EIF3I: variants seen among roughly 807,000 people sequenced by gnomAD.
EIF3I encodes TGF-beta receptor-interacting protein 1.
EIF3I carries 20 observed loss-of-function variants against 43.3 expected under a neutral mutation model. The ratio of observed to expected loss-of-function variants is 0.46; its 90% CI spans 0.32 to 0.67. The LOEUF is 0.67. EIF3I is among the 30% of genes least tolerant of loss of function. EIF3I has a pLI of 0.03. For synonymous variants in EIF3I, 167 were observed against 151.7 expected (o/e 1.10, Z -0.74); for missense variants, 279 against 421.4 (o/e 0.66, Z 2.96).
chr1:32,230,937 T>G (rs1487493991), exon 11 of EIF3I: 5 of 1,593,076 alleles, frequency 3.1e-6, no homozygotes, highest in Non-Finnish European at 4.3e-6. Context: ...GTTCTTCCAT[T>G]TGGCCTTTGA....
chr1:32,235,587 G>GGGATTA (rs1639289879), downstream of EIF3I, among the ~76,000 whole-genome samples: 2 of 152,246 alleles, frequency 1.3e-5, no homozygotes, highest in South Asian at 4.1e-4. Context: ...CCAAAGTGCT[G>GGGATTA]GGATTACAGG....
chr1:32,227,941 G>GATTGTGAATTGTGCC (rs1639172536), intron 6 of EIF3I, among the ~76,000 whole-genome samples: 1 of 152,226 alleles, frequency 6.6e-6, no homozygotes, highest in Admixed American at 6.5e-5. Flanking sequence ...ACCTGAGTCA[G>GATTGTGAATTGTGCC]ATTGTGAATT....
exon 3 of EIF3I, chr1:32,224,077 C>T: frequency 3.7e-6 from 6 of 1,614,130 alleles, no homozygotes; most frequent in Non-Finnish European, 5.1e-6. Context: ...AGGCTGGGCA[C>T]CTACATGGGC....
At chr1:32,226,233 G>A in exon 5 of EIF3I, 1 of 1,614,070 alleles carries the variant, frequency 6.2e-7, no homozygotes, top group Non-Finnish European at 8.5e-7. Context: ...TGACTTTGGG[G>A]GCAACATCAT....
In EIF3I at chr1:32,228,349, G is replaced by C. The variant is rs1639180249; in HGVS notation, c.529-150G>C. 4.7e-6 allele frequency: 3 copies of C among 643,812 alleles called. No individual in the cohort carries two copies. The South Asian group carries it at 5.2e-5, about 11-fold the overall frequency. 39.9% of individuals were successfully genotyped at this position (643,812 alleles called of 1,614,324 possible). A position where few individuals can be genotyped will look rare whatever the true frequency, so the allele number is the denominator to read the frequency against. On this transcript the variant is annotated intron_variant, in intron 6 of 11. Transcript: ENST00000676679. ...GATGTACATTACTGGACAGAGTCAA[G>C]GGATATTTAGGGGTGACTGATAGGA...
Position 32,229,211 on chromosome 1 carries a change from AAAG to A in EIF3I, c.803+11_803+13del, listed in dbSNP as rs754476616. On this transcript the variant is annotated splice_donor_5th_base_variant and intron_variant, in intron 9 of 11. Transcript: ENST00000676679. ...AGGATTGGCAAGTTTGAGGCCAGGT[AAAG>A]AAGAAGAGAGCTCTTCCAAATTAAA... is the stretch of plus-strand genomic sequence containing the variant. 18 of 1,612,522 alleles carry A rather than the reference AAAG, an allele frequency of 1.1e-5. No individual in the cohort carries two copies. The highest frequency in any genetic ancestry group is 8.9e-5 in the East Asian group (4 of 44,894).
intron 6 of EIF3I, 63 bp downstream of exon 6, chr1:32,226,593 G>C: frequency 1.4e-6 from 2 of 1,385,184 alleles, no homozygotes; most frequent in Non-Finnish European, 1.9e-6. Context: ...TTAAGATAGA[G>C]TCTCTCTCTG....
At chr1:32,223,910 C>A in intron 2 of EIF3I, 124 bp from the exon 3 acceptor site, 1 of 815,216 alleles carries the variant, frequency 1.2e-6, no homozygotes, top group Admixed American at 2.1e-5. Context: ...CCTGCTGTTT[C>A]CCAAGAAATA....
chr1:32,231,060 G>A, intron 11 of EIF3I, 41 bp downstream of exon 10: 1 of 1,613,672 alleles, frequency 6.2e-7, no homozygotes, highest in South Asian at 1.1e-5. Flanking sequence ...CCTGGGTTGG[G>A]TCTCTGCCTT....
chr1:32,222,686 G>A, intron 2 of EIF3I, 56 bp downstream of exon 2: 2 of 1,550,158 alleles, frequency 1.3e-6, no homozygotes, highest in South Asian at 2.2e-5. Flanking sequence ...CCAGGACGAT[G>A]GGTGGACACG....
In EIF3I at chr1:32,223,981, GA is replaced by G. The variant is rs1639091658; in HGVS notation, c.97-51del. On this transcript the variant is annotated intron_variant, in intron 2 of 11. Coordinates refer to ENST00000676679, the Ensembl canonical transcript of EIF3I. ...GCTGAGGGTTCCTGGGGCAAAATAG[GA>G]AGCCATTGCTCTTACTGGGATGTGT... 6 of 1,560,282 alleles carry G rather than the reference GA, an allele frequency of 3.8e-6. No homozygotes were observed. The Admixed American group carries it at 1.0e-4, about 26-fold the overall frequency.
At chr1:32,231,575 G>A (rs376843740), downstream of EIF3I, 15 of 191,912 alleles carry the variant, frequency 7.8e-5, no homozygotes, top group African/African-American at 3.3e-4. Context: ...AAATAAATTG[G>A]TTTGGTAATA....
chr1:32,226,476 G>T (rs774203133), exon 6 of EIF3I: 4 of 1,595,890 alleles, frequency 2.5e-6, no homozygotes, highest in Non-Finnish European at 3.4e-6. Context: ...GACCCCTGGG[G>T]GAGTGCATCA....
chr1:32,228,475 G>A, intron 6 of EIF3I, 24 bp from the exon 7 acceptor site: 1 of 1,601,138 alleles, frequency 6.2e-7, no homozygotes, highest in Non-Finnish European at 8.6e-7. Context: ...GGCCCATTCA[G>A]TGTCACTCTT....
At chr1:32,231,435 G>A, downstream of EIF3I, 1 of 432,636 alleles carries the variant, frequency 2.3e-6, no homozygotes, top group Non-Finnish European at 4.3e-6. Flanking sequence ...AGGTTGCAGT[G>A]AGCTGAGATC....
At chr1:32,225,570 C>T (rs987269168) in intron 4 of EIF3I, among the ~76,000 whole-genome samples, 1 of 150,802 alleles carries the variant, frequency 6.6e-6, no homozygotes, top group African/African-American at 2.4e-5. Context: ...TGGTGAAACC[C>T]CGTCTATTAA....
downstream of EIF3I, among the ~76,000 whole-genome samples, chr1:32,233,616 A>G (rs1639266431): frequency 6.6e-6 from 1 of 152,058 alleles, no homozygotes; most frequent in Non-Finnish European, 1.5e-5. Context: ...TATCCCCTTC[A>G]TGCTACCGAT....
chr1:32,223,966 C>A, intron 2 of EIF3I, 68 bp from the exon 3 acceptor site: 1 of 1,471,784 alleles, frequency 6.8e-7, no homozygotes, highest in Non-Finnish European at 9.5e-7. Context: ...GCTGAGGGTT[C>A]CTGGGGCAAA....
At chr1:32,228,748 G>A in exon 8 of EIF3I, 1 of 1,614,042 alleles carries the variant, frequency 6.2e-7, no homozygotes, top group Non-Finnish European at 8.5e-7. Flanking sequence ...CACAACTCTT[G>A]AACATCAGAA....
Sources: gnomAD v4.1 joint callset for allele counts (sites outside exome capture counted in the v4.1 genomes callset) on GRCh38, gnomAD v4.1.1 for gene constraint, MANE v1.5 for transcripts, NCBI Gene and HGNC (gene_info 2026-07-23, HGNC 2026-07-21) for gene names.